PAK3: variants seen among roughly 807,000 people sequenced by gnomAD.
PAK3 encodes p21 (RAC1) activated kinase 3.
Under a neutral mutation model 41.0 loss-of-function variants are expected in PAK3, and 4 were observed. The ratio of observed to expected loss-of-function variants is 0.10; its 90% CI spans 0.05 to 0.22. The LOEUF is 0.22. Among genes scored for constraint, PAK3 ranks in the 10% least tolerant of loss-of-function variants. The pLI is 1.00. For missense variants in PAK3, 205 were observed against 409.9 expected, an observed-to-expected ratio of 0.50 and a Z score of 4.32; for synonymous variants, 146 against 139.6, an observed-to-expected ratio of 1.05 and a Z score of -0.32.
At chrX:111,216,896 C>T (rs1405434454) in intron 17 of PAK3, 2 of 744,531 alleles carry the variant, frequency 2.7e-6, no homozygotes, top group African/African-American at 4.7e-5. Flanking sequence ...GTGCTCTTGG[C>T]CGGAGGTAAT....
At position 111,173,007 on chromosome X, in the gene PAK3, C is replaced by G; in HGVS notation, c.767-11C>G. 1 of 1,046,275 alleles carries G rather than the reference C, an allele frequency of 9.6e-7. No individual in the cohort carries two copies. Among genetic ancestry groups the G allele is most frequent in the Non-Finnish European group, 1.3e-6 (1 of 747,136 alleles). The allele number at this position is 1,046,275 out of a possible 1,213,427, so 86.2% of individuals were successfully genotyped here. A position where few individuals can be genotyped will look rare whatever the true frequency, so the allele number is the denominator to read the frequency against. On this transcript the variant is annotated splice_polypyrimidine_tract_variant and intron_variant, in intron 10 of 17. Coordinates refer to ENST00000372007, the MANE Select transcript of PAK3 (RefSeq NM_002578.5). ...TCCTCCTCTTTTCTTCTCTCCCCACCCATCTCTTAGGAAGCATTGTGAGTG... is the reference window on the plus strand; with the variant it reads ...TCCTCCTCTTTTCTTCTCTCCCCACGCATCTCTTAGGAAGCATTGTGAGTG...
chrX:111,172,974 CTT>C (rs1569440698), intron 10 of PAK3, 42 bp from the exon 11 acceptor site: 3 of 690,445 alleles, frequency 4.3e-6, no homozygotes, highest in Non-Finnish European at 7.1e-6. Context: ...CTCTCTCTCT[CTT>C]CCACCTCCTC....
At chrX:111,157,079 T>C (rs979777328) in intron 8 of PAK3, among the ~76,000 whole-genome samples, 1 of 111,788 alleles carries the variant, frequency 8.9e-6, no homozygotes, top group Non-Finnish European at 1.9e-5. Flanking sequence ...TAATTTTTTT[T>C]AAACATAGTT....
intron 1 of PAK3, among the ~76,000 whole-genome samples, chrX:110,972,937 T>A (rs1431955043): frequency 9.0e-6 from 1 of 111,481 alleles, no homozygotes; most frequent in East Asian, 2.8e-4. Context: ...CAATAGCCGA[T>A]TCGATCAAGT....
chrX:111,226,058 C>A lies in PAK3; in HGVS notation c.*5611C>A, dbSNP rs1221247558. 9.1e-6 allele frequency: 1 copy of A among 110,195 alleles called. No homozygotes were observed. The highest frequency in any genetic ancestry group is 1.9e-5 in the Non-Finnish European group (1 of 52,874). 9.1% of individuals were successfully genotyped at this position (110,195 alleles called of 1,213,427 possible). On this transcript the variant is annotated 3_prime_UTR_variant, in exon 18 of 18. Transcript: ENST00000372007. Reference sequence around the variant, plus strand: ...GGGTGTGGTGGCGGGCGCCTGTAATCCCAGCTACTTGGGAGGCTGAGGTGG... The same window carrying A: ...GGGTGTGGTGGCGGGCGCCTGTAATACCAGCTACTTGGGAGGCTGAGGTGG...
rs866289001 is a variant in PAK3, at chrX:111,226,931, T to C, written c.*6484T>C. Reference sequence around the variant, plus strand: ...CAGGAGGAGCCAGATCACAGGGTAGTGATGTCTACTGGGATTATACTCATA... The same window carrying C: ...CAGGAGGAGCCAGATCACAGGGTAGCGATGTCTACTGGGATTATACTCATA... On this transcript the variant is annotated 3_prime_UTR_variant, in exon 18 of 18. Coordinates refer to ENST00000372007, the MANE Select transcript of PAK3 (RefSeq NM_002578.5). 2 of 112,328 alleles carry C rather than the reference T, an allele frequency of 1.8e-5. No individual in the cohort carries two copies. The highest frequency in any genetic ancestry group is 3.8e-4 in the South Asian group (1 of 2,663). The allele number at this position is 112,328 out of a possible 1,213,427, so 9.3% of individuals were successfully genotyped here. A position where few individuals can be genotyped will look rare whatever the true frequency, so the allele number is the denominator to read the frequency against.
rs573633567 is a variant in PAK3 at position 111,221,415 on chromosome X, G to C, written c.*968G>C. ...TAAACAAAGATGGGACTTTCTCTGAGAGCCAAAACCAGATAAATGTAGAAT... is the reference window on the plus strand; with the variant it reads ...TAAACAAAGATGGGACTTTCTCTGACAGCCAAAACCAGATAAATGTAGAAT... On this transcript the variant is annotated 3_prime_UTR_variant, in exon 18 of 18. Transcript: ENST00000372007. The C allele has an allele frequency of 8.9e-6, 1 of 111,768 alleles. No individual in the cohort carries two copies. Among genetic ancestry groups the C allele is most frequent in the Non-Finnish European group, 1.9e-5 (1 of 53,146 alleles). The allele number at this position is 111,768 out of a possible 1,213,427, so 9.2% of individuals were successfully genotyped here. A position where few individuals can be genotyped will look rare whatever the true frequency, so the allele number is the denominator to read the frequency against.
chrX:111,152,974 A>G (rs1263658753), intron 8 of PAK3, among the ~76,000 whole-genome samples: 2 of 111,873 alleles, frequency 1.8e-5, no homozygotes, highest in Non-Finnish European at 3.8e-5. Context: ...AAGGCTCTCT[A>G]GAAAATTTTC....
chrX:111,050,341 T>C (rs1380342697), intron 1 of PAK3, among the ~76,000 whole-genome samples: 1 of 111,793 alleles, frequency 8.9e-6, no homozygotes, highest in African/African-American at 3.3e-5. Flanking sequence ...TAAAAGATTT[T>C]GTGGTCTTTT....
In PAK3 at chrX:111,135,665, C is replaced by T. The variant is rs1312327945; in HGVS notation, c.176-6431C>T. The stretch of plus-strand genomic sequence containing the variant: ...GTTAGCTTCAAGAAGTTCGTGGTCT[C>T]AAATGTCAGTTTTGACTGAGAGGTC... On this transcript the variant is annotated intron_variant, in intron 5 of 17. Coordinates refer to ENST00000372007, the MANE Select transcript of PAK3 (RefSeq NM_002578.5). Among the ~76,000 whole-genome samples the T allele has an allele frequency of 2.7e-5, 3 of 111,327 alleles. No homozygotes were observed. The East Asian group carries it at 8.5e-4, about 32-fold the overall frequency.
intron 1 of PAK3, among the ~76,000 whole-genome samples, chrX:110,972,130 C>A (rs5943097): frequency 0.025 from 2,773 of 110,923 alleles, 34 homozygotes; most frequent in South Asian, 0.041. Context: ...CTATCTCTCT[C>A]TCTATATATG....
At chrX:111,138,411 T>TA (rs201712478) in intron 5 of PAK3, among the ~76,000 whole-genome samples, 2,251 of 111,455 alleles carry the variant, frequency 0.02, 45 homozygotes, top group African/African-American at 0.062. Context: ...GGTAGATATG[T>TA]AAAAAATACC....
At chrX:111,119,636 A>T (rs1174312744) in intron 4 of PAK3, among the ~76,000 whole-genome samples, 1 of 112,481 alleles carries the variant, frequency 8.9e-6, no homozygotes, top group Admixed American at 9.4e-5. Flanking sequence ...TTGAACCAGC[A>T]ATCCATTAAT....
intron 1 of PAK3, among the ~76,000 whole-genome samples, chrX:111,059,969 T>C: frequency 8.9e-6 from 1 of 111,798 alleles, no homozygotes; most frequent in Admixed American, 9.5e-5. Context: ...AGTACAATGT[T>C]TAATAAGAGT....
At chrX:111,123,642 G>T (rs2093610185) in intron 5 of PAK3, among the ~76,000 whole-genome samples, 1 of 111,985 alleles carries the variant, frequency 8.9e-6, no homozygotes, top group Non-Finnish European at 1.9e-5. Flanking sequence ...GGAAATTTGG[G>T]TATAGGTAGG....
chrX:111,025,182 G>A (rs1406972741), intron 1 of PAK3, among the ~76,000 whole-genome samples: 2 of 110,918 alleles, frequency 1.8e-5, no homozygotes, highest in African/African-American at 3.3e-5. Flanking sequence ...AGCATTAAAT[G>A]CCTACATCAA....
At chrX:111,154,139 A>G (rs889335661) in intron 8 of PAK3, among the ~76,000 whole-genome samples, 1 of 111,523 alleles carries the variant, frequency 9.0e-6, no homozygotes, top group African/African-American at 3.3e-5. Context: ...AGGAGCTGGG[A>G]GCAGGGGGAG....
rs775570095 is a variant in PAK3, at chrX:110,997,187, G to A, written c.-28+52559G>A. On this transcript the variant is annotated intron_variant, in intron 1 of 14. Transcript: ENST00000425146. ...GAAGAGTGGTAGGTGATAAATTCAG[G>A]AATTTAATGGGGTTGGGGGGGCAGG... 1.4e-3 allele frequency among the ~76,000 whole-genome samples: 156 copies of A among 110,916 alleles called. 1 individual carries two copies. The highest frequency in any genetic ancestry group is 2.1e-3 in the Non-Finnish European group (112 of 52,903).
Position 111,194,290 on chromosome X carries a change from TC to T in PAK3, c.993-10del, listed in dbSNP as rs749538716. 1.6e-5 allele frequency: 17 copies of T among 1,056,757 alleles called. No individual in the cohort carries two copies. Among genetic ancestry groups the T allele is most frequent in the Non-Finnish European group, 2.3e-5 (17 of 754,186 alleles). 87.1% of individuals were successfully genotyped at this position (1,056,757 alleles called of 1,213,427 possible). ...CGTCATAAGGCAAAGTCTTTTCTTT[TC>T]TTGTTATAGCTACTTGGTGGGTGAT... On this transcript the variant is annotated splice_polypyrimidine_tract_variant and intron_variant, in intron 13 of 17. Transcript: ENST00000372007.
Sources: gnomAD v4.1 joint callset for allele counts (sites outside exome capture counted in the v4.1 genomes callset) on GRCh38, gnomAD v4.1.1 for gene constraint, MANE v1.5 for transcripts, NCBI Gene and HGNC (gene_info 2026-07-23, HGNC 2026-07-21) for gene names.